Variants in SDK1 observed in about 807,000 individuals in gnomAD.
The protein encoded by SDK1 is sidekick cell adhesion molecule 1.
Under a neutral mutation model 245.5 loss-of-function variants are expected in SDK1, and 157 were observed. That is an observed-to-expected ratio of 0.64 (90% CI 0.56 to 0.73). The LOEUF (loss-of-function observed/expected upper bound fraction) is 0.73. SDK1 is among the 30% of genes least tolerant of loss of function. SDK1 has a pLI of 0.00. For synonymous variants in SDK1, 1,647 were observed against 1,278.5 expected (o/e 1.29, Z -6.15); for missense variants, 3,583 against 3,002.3 (o/e 1.19, Z -4.52).
chr7:3,587,265 G>A (rs1364281261), intron 1 of SDK1, among the ~76,000 whole-genome samples: 1 of 151,810 alleles, frequency 6.6e-6, no homozygotes, highest in Non-Finnish European at 1.5e-5. Context: ...AACATTTGCT[G>A]TTTGTATTAG....
chr7:4,132,925 T>C (rs1784936715), intron 28 of SDK1, among the ~76,000 whole-genome samples: 1 of 152,246 alleles, frequency 6.6e-6, no homozygotes, highest in South Asian at 2.1e-4. Flanking sequence ...TCTTATGGAA[T>C]GAAATTCACA....
chr7:4,100,673 C>T (rs898493359), intron 22 of SDK1, among the ~76,000 whole-genome samples: 4 of 152,142 alleles, frequency 2.6e-5, no homozygotes, highest in African/African-American at 9.7e-5. Context: ...CCCCTGGTCC[C>T]TTCAGTCCCA....
chr7:3,768,143 G>A (rs1780307160), intron 4 of SDK1, among the ~76,000 whole-genome samples: 1 of 152,170 alleles, frequency 6.6e-6, no homozygotes. Flanking sequence ...TATTATTCTG[G>A]TTGGTAGTTT....
intron 1 of SDK1, among the ~76,000 whole-genome samples, chr7:3,472,566 G>C (rs958100100): frequency 5.3e-5 from 8 of 152,192 alleles, no homozygotes; most frequent in African/African-American, 1.9e-4. Flanking sequence ...ACTGATAATA[G>C]CTGGTTCTAC....
chr7:3,622,444 G>A (rs796543080), intron 2 of SDK1, among the ~76,000 whole-genome samples: 27 of 152,272 alleles, frequency 1.8e-4, no homozygotes, highest in African/African-American at 6.3e-4. Flanking sequence ...TCGCACCACT[G>A]CACTCCAGCC....
chr7:4,193,116 AAT>A (rs1044861076), intron 35 of SDK1, among the ~76,000 whole-genome samples: 3 of 131,442 alleles, frequency 2.3e-5, no homozygotes, highest in East Asian at 4.0e-4. Context: ...AATATATTAA[AAT>A]ATATATAATA....
intron 25 of SDK1, 43 bp from the exon 26 acceptor site, chr7:4,127,338 C>G (rs767622915): frequency 7.1e-7 from 1 of 1,415,476 alleles, no homozygotes; most frequent in Non-Finnish European, 1.0e-6. Context: ...TATGTAGACA[C>G]TCTAGATTTT....
chr7:4,246,763 G>C (rs1462846292), intron 44 of SDK1, among the ~76,000 whole-genome samples: 1 of 152,156 alleles, frequency 6.6e-6, no homozygotes, highest in Non-Finnish European at 1.5e-5. Context: ...CCCCGAGGGA[G>C]TGTCAGCCTC....
intron 5 of SDK1, among the ~76,000 whole-genome samples, chr7:3,917,303 C>A (rs1583560761): frequency 1.3e-5 from 2 of 152,294 alleles, no homozygotes; most frequent in East Asian, 3.9e-4. Flanking sequence ...ATTTATTGAA[C>A]CTCTGTGTTC....
intron 5 of SDK1, among the ~76,000 whole-genome samples, chr7:3,849,898 T>C (rs1210072129): frequency 2.0e-5 from 3 of 152,234 alleles, no homozygotes; most frequent in African/African-American, 7.2e-5. Flanking sequence ...AGGCAGTGCT[T>C]GGCCTCACAA....
At chr7:3,706,659 C>T (rs539614523) in intron 4 of SDK1, among the ~76,000 whole-genome samples, 8 of 152,178 alleles carry the variant, frequency 5.3e-5, no homozygotes, top group Non-Finnish European at 1.2e-4. Context: ...ACTTTGGCCT[C>T]CCAAAGTGCT....
chr7:3,405,157 A>G (rs953556987), intron 1 of SDK1, among the ~76,000 whole-genome samples: 2 of 145,994 alleles, frequency 1.4e-5, no homozygotes, highest in African/African-American at 5.4e-5. Context: ...GTAAAAAAAA[A>G]CCAAAAAAAA....
At chr7:3,891,175 C>G (rs1374943526) in intron 5 of SDK1, among the ~76,000 whole-genome samples, 1 of 152,148 alleles carries the variant, frequency 6.6e-6, no homozygotes, top group Non-Finnish European at 1.5e-5. Flanking sequence ...GGGGGAGGCC[C>G]CACAGTCCAC....
chr7:3,821,614 G>A, intron 5 of SDK1, 31 bp downstream of exon 5: 1 of 1,606,460 alleles, frequency 6.2e-7, no homozygotes, highest in Non-Finnish European at 8.5e-7. Flanking sequence ...TGGTAATTCT[G>A]CAAGCAATAA....
chr7:3,371,578 C>T (rs1178283385), intron 1 of SDK1, among the ~76,000 whole-genome samples: 2 of 152,028 alleles, frequency 1.3e-5, no homozygotes, highest in African/African-American at 2.4e-5. Context: ...GCGAGGAAAC[C>T]AAAACTGCAA....
chr7:3,733,068 A>T (rs1449827973), intron 4 of SDK1, among the ~76,000 whole-genome samples: 1 of 152,222 alleles, frequency 6.6e-6, no homozygotes, highest in African/African-American at 2.4e-5. Flanking sequence ...GCTTATCACC[A>T]ATTAAACACA....
intron 1 of SDK1, among the ~76,000 whole-genome samples, chr7:3,452,737 CCCT>C (rs1780553868): frequency 6.6e-6 from 1 of 152,072 alleles, no homozygotes; most frequent in Non-Finnish European, 1.5e-5. Context: ...TGTGGAATTT[CCCT>C]CCCCTCCTCC....
chr7:4,144,314 G>A (rs1226163958), intron 28 of SDK1, among the ~76,000 whole-genome samples: 7 of 152,192 alleles, frequency 4.6e-5, no homozygotes, highest in African/African-American at 1.7e-4. Context: ...GGGGAAGACA[G>A]CCCGTCCACT....
At chr7:3,438,388 A>G (rs1233093059) in intron 1 of SDK1, among the ~76,000 whole-genome samples, 2 of 152,242 alleles carry the variant, frequency 1.3e-5, no homozygotes, top group Non-Finnish European at 2.9e-5. Context: ...TTTCTTCTTT[A>G]CAATGATGTA....
Sources: gnomAD v4.1 joint callset for allele counts (sites outside exome capture counted in the v4.1 genomes callset) on GRCh38, gnomAD v4.1.1 for gene constraint, MANE v1.5 for transcripts, NCBI Gene and HGNC (gene_info 2026-07-23, HGNC 2026-07-21) for gene names.